The following KAZN variants were observed in gnomAD, a reference collection of about 807,000 sequenced individuals.
KAZN encodes kazrin, periplakin interacting protein.
Under a neutral mutation model 87.4 loss-of-function variants are expected in KAZN, and 40 were observed. The ratio of observed to expected loss-of-function variants is 0.46; its 90% CI spans 0.36 to 0.60. The LOEUF (loss-of-function observed/expected upper bound fraction) is 0.60, where lower values mean the gene tolerates loss of function less well. Among genes scored for constraint, KAZN ranks in the 20% least tolerant of loss-of-function variants. KAZN has a pLI of 0.00. For missense variants in KAZN, 898 were observed against 1,073.9 expected (o/e 0.84, Z 2.29); for synonymous variants, 466 against 458.3 (o/e 1.02, Z -0.22).
chr1:14,978,212 G>A (rs532767530), intron 2 of KAZN, among the ~76,000 whole-genome samples: 1 of 152,302 alleles, frequency 6.6e-6, no homozygotes, highest in Non-Finnish European at 1.5e-5. Flanking sequence ...GCCTGAATCA[G>A]AGCTTTTCTT....
At chr1:14,766,559 G>T (rs907528062) in intron 1 of KAZN, among the ~76,000 whole-genome samples, 1 of 149,602 alleles carries the variant, frequency 6.7e-6, no homozygotes, top group East Asian at 2.0e-4. Flanking sequence ...TGGTGCTCTG[G>T]ATCACAGAGA....
chr1:14,715,123 G>A (rs565820799), intron 1 of KAZN, among the ~76,000 whole-genome samples: 3 of 151,970 alleles, frequency 2.0e-5, no homozygotes, highest in Non-Finnish European at 2.9e-5. Flanking sequence ...TAAGAGACAG[G>A]GTCTCACTCT....
At chr1:14,822,234 G>T (rs1319386564) in intron 1 of KAZN, among the ~76,000 whole-genome samples, 2 of 152,202 alleles carry the variant, frequency 1.3e-5, no homozygotes, top group Non-Finnish European at 2.9e-5. Context: ...GCCAGGCCGA[G>T]AATTCCAGGA....
intron 2 of KAZN, among the ~76,000 whole-genome samples, chr1:14,253,319 G>A (rs562166230): frequency 6.6e-6 from 1 of 152,166 alleles, no homozygotes; most frequent in Non-Finnish European, 1.5e-5. Flanking sequence ...TACCCTTGCA[G>A]ATTCCCTTCT....
At chr1:14,368,340 G>A (rs1267339002) in intron 2 of KAZN, among the ~76,000 whole-genome samples, 1 of 152,138 alleles carries the variant, frequency 6.6e-6, no homozygotes, top group African/African-American at 2.4e-5. Context: ...TTAGCTTTGT[G>A]CATCACTCAG....
chr1:14,099,130 C>T (rs1408163890), intron 1 of KAZN, among the ~76,000 whole-genome samples: 1 of 152,080 alleles, frequency 6.6e-6, no homozygotes, highest in Non-Finnish European at 1.5e-5. Flanking sequence ...GAAATATACC[C>T]CATGTGAAGT....
chr1:14,717,931 G>A (rs1642886022), intron 1 of KAZN, among the ~76,000 whole-genome samples: 1 of 152,190 alleles, frequency 6.6e-6, no homozygotes, highest in Non-Finnish European at 1.5e-5. Flanking sequence ...GCTGTTCCCA[G>A]CCTGCTCTCT....
intron 2 of KAZN, among the ~76,000 whole-genome samples, chr1:14,404,423 T>C (rs1557694737): frequency 6.6e-6 from 1 of 152,180 alleles, no homozygotes; most frequent in African/African-American, 2.4e-5. Context: ...GCGGACTCTG[T>C]TGCCCTTACT....
chr1:13,930,288 C>T (rs540581020), intron 1 of KAZN, among the ~76,000 whole-genome samples: 6 of 152,314 alleles, frequency 3.9e-5, no homozygotes, highest in South Asian at 2.1e-4. Flanking sequence ...GGACAAGCCC[C>T]GGGGAAGCTG....
intron 1 of KAZN, among the ~76,000 whole-genome samples, chr1:14,035,223 C>G (rs146674752): frequency 6.6e-6 from 1 of 152,056 alleles, no homozygotes; most frequent in Non-Finnish European, 1.5e-5. Flanking sequence ...CCGTGGTTGC[C>G]GCAGTGGAAT....
chr1:14,731,464 CT>C (rs1474775847), intron 1 of KAZN, among the ~76,000 whole-genome samples: 2 of 152,196 alleles, frequency 1.3e-5, no homozygotes, highest in Admixed American at 1.3e-4. Context: ...ACCCTTGGAA[CT>C]TTTTTGGTTC....
chr1:14,251,285 A>G (rs1195940700), intron 2 of KAZN, among the ~76,000 whole-genome samples: 1 of 152,184 alleles, frequency 6.6e-6, no homozygotes, highest in Admixed American at 6.5e-5. Flanking sequence ...AAAGATGATA[A>G]GGTTGATTGA....
chr1:15,050,483 C>T (rs963492350), intron 4 of KAZN, among the ~76,000 whole-genome samples: 2 of 152,306 alleles, frequency 1.3e-5, no homozygotes, highest in Middle Eastern at 3.4e-3. Context: ...CAGGCCCAGA[C>T]GAGAGGCAGG....
chr1:14,105,626 C>T (rs1468959528), intron 1 of KAZN, among the ~76,000 whole-genome samples: 1 of 152,194 alleles, frequency 6.6e-6, no homozygotes, highest in South Asian at 2.1e-4. Flanking sequence ...CCCAAGGAGA[C>T]AAGCATCTAC....
At chr1:14,457,307 TAG>T (rs1413519607) in intron 2 of KAZN, among the ~76,000 whole-genome samples, 1 of 152,228 alleles carries the variant, frequency 6.6e-6, no homozygotes, top group Non-Finnish European at 1.5e-5. Flanking sequence ...GTTAACCCTA[TAG>T]AGTTTCTCTT....
rs1220639617 is a variant in KAZN at position 14,477,444 on chromosome 1, C to CT, written c.250-121539_250-121538insT. 8.3e-3 allele frequency among the ~76,000 whole-genome samples: 1,241 copies of CT among 149,286 alleles called. 8 individuals carry two copies. The highest frequency in any genetic ancestry group is 0.021 in the Middle Eastern group (6 of 288). On this transcript the variant is annotated intron_variant, in intron 2 of 16. Coordinates refer to the KAZN transcript ENST00000636203. Reference sequence around the variant, plus strand: ...TCATTCCCTCTCTCTCTCTCTCTCTCCCCCTCTCTCTCTCTCTCTTTCTCT... The same window carrying CT: ...TCATTCCCTCTCTCTCTCTCTCTCTCTCCCCTCTCTCTCTCTCTCTTTCTCT...
intron 1 of KAZN, among the ~76,000 whole-genome samples, chr1:14,826,297 G>A (rs955020119): frequency 3.3e-5 from 5 of 152,244 alleles, no homozygotes; most frequent in Admixed American, 6.5e-5. Context: ...GCGGATGTTC[G>A]TAAAAGGCAA....
chr1:13,986,278 A>C (rs1639011019), intron 1 of KAZN, among the ~76,000 whole-genome samples: 1 of 152,198 alleles, frequency 6.6e-6, no homozygotes, highest in African/African-American at 2.4e-5. Flanking sequence ...TTGCATTAGG[A>C]ACAAATCTTG....
intron 1 of KAZN, among the ~76,000 whole-genome samples, chr1:14,678,232 C>T (rs921424269): frequency 5.9e-5 from 9 of 152,164 alleles, no homozygotes; most frequent in East Asian, 1.9e-4. Context: ...GCTGCCAGCG[C>T]GACTAGAAAA....
Sources: gnomAD v4.1 joint callset for allele counts (sites outside exome capture counted in the v4.1 genomes callset) on GRCh38, gnomAD v4.1.1 for gene constraint, MANE v1.5 for transcripts, NCBI Gene and HGNC (gene_info 2026-07-23, HGNC 2026-07-21) for gene names.